Variants in GPC5 observed in about 807,000 individuals in gnomAD.
GPC5 encodes glypican-5.
A neutral mutation model predicts 53.9 loss-of-function variants in GPC5; 47 were observed. That is an observed-to-expected ratio of 0.87 (90% confidence interval 0.69 to 1.11). The LOEUF is 1.11. GPC5 is among the 50% of genes most tolerant of loss of function. GPC5 has a pLI of 0.00. For synonymous variants in GPC5, 286 were observed against 263.3 expected, an observed-to-expected ratio of 1.09 and a Z score of -0.84; for missense variants, 748 against 713.1, an observed-to-expected ratio of 1.05 and a Z score of -0.56.
At chr13:92,846,002 CT>C (rs1566443120) in intron 7 of GPC5, among the ~76,000 whole-genome samples, 1 of 151,988 alleles carries the variant, frequency 6.6e-6, no homozygotes, top group African/African-American at 2.4e-5. Flanking sequence ...GAAACCATAC[CT>C]ATCAGTCCGT....
chr13:92,331,364 CT>C (rs1361207810), intron 7 of GPC5, among the ~76,000 whole-genome samples: 2 of 152,114 alleles, frequency 1.3e-5, no homozygotes, highest in African/African-American at 4.8e-5. Flanking sequence ...TCATCTGGGT[CT>C]TCTCTTTGTC....
At chr13:92,782,064 G>C (rs924409931) in intron 7 of GPC5, among the ~76,000 whole-genome samples, 12 of 150,362 alleles carry the variant, frequency 8.0e-5, no homozygotes, top group African/African-American at 2.9e-4. Context: ...GAAGTGAAGG[G>C]GAAGGGAACG....
chr13:92,339,626 T>C (rs758186499), intron 7 of GPC5, among the ~76,000 whole-genome samples: 6 of 152,114 alleles, frequency 3.9e-5, no homozygotes, highest in Non-Finnish European at 8.8e-5. Context: ...TCCTACACAA[T>C]GAAAAATGTT....
At chr13:92,079,909 T>C (rs185588978) in intron 6 of GPC5, among the ~76,000 whole-genome samples, 513 of 152,296 alleles carry the variant, frequency 3.4e-3, no homozygotes, top group Non-Finnish European at 3.9e-3. Context: ...GAAAATGCTC[T>C]TGAAGAGGTT....
intron 7 of GPC5, among the ~76,000 whole-genome samples, chr13:92,423,433 T>C (rs1050422715): frequency 4.6e-5 from 7 of 152,224 alleles, no homozygotes; most frequent in African/African-American, 7.2e-5. Flanking sequence ...TTTGCTTATT[T>C]TGCTAATAGT....
intron 6 of GPC5, among the ~76,000 whole-genome samples, chr13:92,078,509 A>G (rs1432267585): frequency 6.6e-6 from 1 of 152,210 alleles, no homozygotes; most frequent in African/African-American, 2.4e-5. Context: ...AATAAATGCT[A>G]TGTAAGTGTT....
chr13:91,560,123 A>G (rs2031178371), intron 2 of GPC5, among the ~76,000 whole-genome samples: 1 of 152,096 alleles, frequency 6.6e-6, no homozygotes. Context: ...CCTGAAACTT[A>G]TACTCAGTGG....
At chr13:92,658,929 T>TTTG (rs1886233638) in intron 7 of GPC5, 1 of 128,136 alleles carries the variant, frequency 7.8e-6, no homozygotes, top group Admixed American at 7.6e-5. Flanking sequence ...GTTTTGTTTT[T>TTTG]TTTTTTTTTT....
intron 4 of GPC5, among the ~76,000 whole-genome samples, chr13:91,750,730 G>T (rs2037156362): frequency 7.2e-6 from 1 of 139,314 alleles, no homozygotes; most frequent in Admixed American, 7.7e-5. Flanking sequence ...GCCCAGGCTG[G>T]AGTGCAATGG....
chr13:92,108,989 C>T (rs575420937), intron 6 of GPC5, among the ~76,000 whole-genome samples: 11 of 151,738 alleles, frequency 7.2e-5, no homozygotes, highest in Non-Finnish European at 1.5e-4. Context: ...CTCATAATCA[C>T]AGCTCTCAAA....
rs144980273 is a variant in GPC5, at chr13:92,115,834, T to A, written c.1402-28996T>A. ...CCACCCCCACCGCAAAATTCCTATG[T>A]TGAAGTCCTAAATTCCAGTACTCAT... On this transcript the variant is annotated intron_variant, in intron 6 of 7. Transcript: ENST00000377067. Among the ~76,000 whole-genome samples, 152 of 152,086 alleles carry A rather than the reference T, an allele frequency of 1.0e-3. 1 individual carries two copies. Among genetic ancestry groups the A allele is most frequent in the African/African-American group, 3.5e-3 (146 of 41,476 alleles).
At chr13:92,481,536 C>A (rs1205993246) in intron 7 of GPC5, among the ~76,000 whole-genome samples, 2 of 152,146 alleles carry the variant, frequency 1.3e-5, no homozygotes, top group African/African-American at 4.8e-5. Flanking sequence ...GAAAGCAAAA[C>A]CCTTCACAGA....
chr13:92,426,416 T>C (rs1876837194), intron 7 of GPC5, among the ~76,000 whole-genome samples: 1 of 152,120 alleles, frequency 6.6e-6, no homozygotes, highest in Non-Finnish European at 1.5e-5. Context: ...TTCTCAGAAA[T>C]TTCAATCAGC....
At chr13:92,639,086 T>C (rs1885506521) in intron 7 of GPC5, among the ~76,000 whole-genome samples, 1 of 152,210 alleles carries the variant, frequency 6.6e-6, no homozygotes, top group Non-Finnish European at 1.5e-5. Flanking sequence ...CATAATATCC[T>C]TTAGTAAGTT....
intron 5 of GPC5, among the ~76,000 whole-genome samples, chr13:91,827,480 C>T (rs2038592809): frequency 6.6e-6 from 1 of 151,548 alleles, no homozygotes; most frequent in Non-Finnish European, 1.5e-5. Flanking sequence ...TATTAAAAGA[C>T]AAATGAATAG....
chr13:92,292,813 T>G (rs2043007199), intron 7 of GPC5, among the ~76,000 whole-genome samples: 1 of 152,240 alleles, frequency 6.6e-6, no homozygotes, highest in South Asian at 2.1e-4. Flanking sequence ...TATATTTAAG[T>G]GCTTAATCTA....
chr13:92,235,903 T>C (rs1312336555), intron 7 of GPC5, among the ~76,000 whole-genome samples: 2 of 152,104 alleles, frequency 1.3e-5, no homozygotes, highest in African/African-American at 2.4e-5. Flanking sequence ...GCTTGAAACT[T>C]AAGATGTTGT....
chr13:91,428,932 C>A (rs1336468194), intron 1 of GPC5, among the ~76,000 whole-genome samples: 1 of 151,822 alleles, frequency 6.6e-6, no homozygotes, highest in East Asian at 1.9e-4. Flanking sequence ...GTTTTCTTTT[C>A]TTTTTGAGAG....
At chr13:91,996,188 G>T (rs1158628969) in intron 6 of GPC5, 1 of 152,230 alleles carries the variant, frequency 6.6e-6, no homozygotes, top group Non-Finnish European at 1.5e-5. Context: ...TTATGTGTCT[G>T]TGTAGTCTAA....
Sources: gnomAD v4.1 joint callset for allele counts (sites outside exome capture counted in the v4.1 genomes callset) on GRCh38, gnomAD v4.1.1 for gene constraint, MANE v1.5 for transcripts, NCBI Gene and HGNC (gene_info 2026-07-23, HGNC 2026-07-21) for gene names.